Variants in FNDC3B observed in about 807,000 individuals in gnomAD.
FNDC3B encodes fibronectin type III domain containing 3B.
FNDC3B carries 12 observed loss-of-function variants against 151.5 expected under a neutral mutation model. The ratio of observed to expected loss-of-function variants is 0.08; its 90% CI spans 0.05 to 0.13. FNDC3B has a LOEUF of 0.13. FNDC3B is among the 10% of genes least tolerant of loss of function. The probability of loss-of-function intolerance (pLI) is 1.00; values close to 1 mark genes in which losing one functional copy is unlikely to be tolerated. For synonymous variants in FNDC3B, 528 were observed against 549.0 expected (o/e 0.96, Z 0.54); for missense variants, 1,214 against 1,505.3 (o/e 0.81, Z 3.20).
rs561289032 is a variant in FNDC3B, at chr3:172,385,683, C to A, written c.3303+4590C>A. Among the ~76,000 whole-genome samples the A allele has an allele frequency of 3.3e-3, 495 of 151,978 alleles. 3 individuals carry two copies. The highest frequency in any genetic ancestry group is 0.011 in the South Asian group (51 of 4,802). On this transcript the variant is annotated intron_variant, in intron 25 of 25. Transcript: ENST00000415807. ...ACGCCATTCTCCTGCCTCAGCCTCC[C>A]GAGTAGCTGGGACTACAGGCACCCG...
chr3:172,060,048 A>G (rs1470249431), intron 1 of FNDC3B, among the ~76,000 whole-genome samples: 1 of 152,240 alleles, frequency 6.6e-6, no homozygotes, highest in Non-Finnish European at 1.5e-5. Flanking sequence ...ACTTCCTATT[A>G]GCTGTGAGAG....
At chr3:172,230,972 G>A (rs533466794) in intron 4 of FNDC3B, among the ~76,000 whole-genome samples, 1 of 146,164 alleles carries the variant, frequency 6.8e-6, no homozygotes, top group Non-Finnish European at 1.6e-5. Flanking sequence ...CCTGAGAAAT[G>A]AAAACATATG....
intron 21 of FNDC3B, among the ~76,000 whole-genome samples, chr3:172,348,721 A>G (rs1455663798): frequency 6.6e-6 from 1 of 152,236 alleles, no homozygotes. Context: ...ATTAATAAGA[A>G]TAGTACCTGC....
intron 8 of FNDC3B, among the ~76,000 whole-genome samples, chr3:172,297,769 C>T (rs58471577): frequency 0.011 from 1,154 of 101,312 alleles, 15 homozygotes; most frequent in African/African-American, 0.068. Flanking sequence ...CCACCGCGCC[C>T]GGCCTTTTTT....
intron 1 of FNDC3B, among the ~76,000 whole-genome samples, chr3:172,088,780 T>C (rs905538957): frequency 2.0e-5 from 3 of 152,190 alleles, no homozygotes; most frequent in Non-Finnish European, 4.4e-5. Context: ...AAAAACCACA[T>C]TTTAAATAAA....
intron 3 of FNDC3B, among the ~76,000 whole-genome samples, chr3:172,164,279 G>A (rs1722909042): frequency 6.6e-6 from 1 of 152,198 alleles, no homozygotes; most frequent in Non-Finnish European, 1.5e-5. Context: ...AACTTGATAT[G>A]CTACAAGCAA....
chr3:172,207,307 C>T (rs1055121651), intron 3 of FNDC3B, among the ~76,000 whole-genome samples: 6 of 151,996 alleles, frequency 3.9e-5, no homozygotes, highest in African/African-American at 1.5e-4. Flanking sequence ...AACAGAAATA[C>T]CTTATATTAT....
intron 6 of FNDC3B, among the ~76,000 whole-genome samples, chr3:172,274,728 G>T (rs1729354942): frequency 2.0e-5 from 3 of 152,124 alleles, no homozygotes; most frequent in Admixed American, 2.0e-4. Flanking sequence ...GTCCTTCAGG[G>T]CCATGAGGGA....
rs560436377 is a variant in FNDC3B at position 172,105,188 on chromosome 3, A to G, written c.-28-7264A>G. Among the ~76,000 whole-genome samples, 39 of 152,266 alleles carry G rather than the reference A, an allele frequency of 2.6e-4. No individual in the cohort carries two copies. In the South Asian group the frequency reaches 7.7e-3, roughly 30 times the overall value. On this transcript the variant is annotated intron_variant, in intron 1 of 25. Coordinates refer to ENST00000415807, the MANE Select transcript of FNDC3B (RefSeq NM_022763.4). ...CTTGTGACTGATGGCATTTATACAT[A>G]AAGGCCACCCGGGGTGTATGGGGGG...
At chr3:172,373,197 A>G (rs576825786) in intron 23 of FNDC3B, among the ~76,000 whole-genome samples, 196 of 152,230 alleles carry the variant, frequency 1.3e-3, no homozygotes, top group Non-Finnish European at 2.3e-3. Context: ...GTTTTTCACC[A>G]TTTCCTGCTG....
At chr3:172,246,636 C>T (rs969291436) in intron 4 of FNDC3B, among the ~76,000 whole-genome samples, 2 of 152,206 alleles carry the variant, frequency 1.3e-5, no homozygotes, top group Non-Finnish European at 2.9e-5. Flanking sequence ...CCTGTAGTCC[C>T]AGCTACTTTG....
chr3:172,380,827 C>A, intron 24 of FNDC3B, 139 bp from the exon 25 acceptor site: 2 of 881,802 alleles, frequency 2.3e-6, no homozygotes, highest in Non-Finnish European at 3.5e-6. Flanking sequence ...TTATGAGAGG[C>A]TGGGCAAATC....
intron 6 of FNDC3B, among the ~76,000 whole-genome samples, chr3:172,278,981 A>G (rs1729569017): frequency 1.3e-5 from 2 of 152,120 alleles, no homozygotes; most frequent in East Asian, 3.9e-4. Context: ...TTCCATGCAT[A>G]TACATGATTT....
At chr3:172,098,946 G>A (rs867313760) in intron 1 of FNDC3B, among the ~76,000 whole-genome samples, 2 of 152,202 alleles carry the variant, frequency 1.3e-5, no homozygotes, top group African/African-American at 4.8e-5. Context: ...TTTGTGAGAA[G>A]TGGTTTCCCA....
chr3:172,311,004 A>G (rs1731449091), intron 11 of FNDC3B, 123 bp downstream of exon 11: 1 of 729,086 alleles, frequency 1.4e-6, no homozygotes, highest in African/African-American at 1.8e-5. Context: ...GCTAGTAGAG[A>G]AATTTAAATC....
chr3:172,101,278 G>C (rs1719365441), intron 1 of FNDC3B, among the ~76,000 whole-genome samples: 1 of 152,232 alleles, frequency 6.6e-6, no homozygotes, highest in Non-Finnish European at 1.5e-5. Context: ...GCTTATCTCA[G>C]ATGAAAGGTT....
At chr3:172,304,767 A>G (rs2108239137) in intron 9 of FNDC3B, among the ~76,000 whole-genome samples, 1 of 152,196 alleles carries the variant, frequency 6.6e-6, no homozygotes. Flanking sequence ...CATGATGGCA[A>G]GTGCCTGTAA....
intron 1 of FNDC3B, among the ~76,000 whole-genome samples, chr3:172,087,016 CT>C (rs964970664): frequency 6.6e-6 from 1 of 152,220 alleles, no homozygotes; most frequent in Non-Finnish European, 1.5e-5. Flanking sequence ...CTTTTCCTCA[CT>C]TTTACCAGAG....
intron 25 of FNDC3B, among the ~76,000 whole-genome samples, chr3:172,392,958 CT>C (rs1736093282): frequency 1.3e-5 from 2 of 151,630 alleles, no homozygotes; most frequent in Admixed American, 1.3e-4. Context: ...ATATGCCACC[CT>C]ACCTGGCTAA....
Sources: gnomAD v4.1 joint callset for allele counts (sites outside exome capture counted in the v4.1 genomes callset) on GRCh38, gnomAD v4.1.1 for gene constraint, MANE v1.5 for transcripts, NCBI Gene and HGNC (gene_info 2026-07-23, HGNC 2026-07-21) for gene names.